FANCC: variants seen among roughly 807,000 people sequenced by gnomAD.
FANCC encodes the protein FA complementation group C, also known as Fanconi anemia group C protein.
In FANCC, 55 loss-of-function variants were observed where a neutral mutation model predicts 71.3. The observed-to-expected ratio is 0.77, with a 90% confidence interval of 0.62 to 0.97. The LOEUF is 0.97. Ranked by LOEUF, FANCC falls within the 50% of genes least tolerant of loss-of-function variation. The pLI is 0.00. For synonymous variants in FANCC, 275 were observed against 244.9 expected, an observed-to-expected ratio of 1.12 and a Z score of -1.15; for missense variants, 678 against 670.9, an observed-to-expected ratio of 1.01 and a Z score of -0.12.
intron 1 of FANCC, among the ~76,000 whole-genome samples, chr9:95,249,796 T>G (rs1406134810): frequency 6.6e-6 from 1 of 152,230 alleles, no homozygotes; most frequent in Non-Finnish European, 1.5e-5. Context: ...ATGTTTTATA[T>G]GAATTTCTGG....
chr9:95,276,380 C>T (rs992610593), intron 1 of FANCC, among the ~76,000 whole-genome samples: 1 of 152,182 alleles, frequency 6.6e-6, no homozygotes, highest in Admixed American at 6.5e-5. Context: ...TTCTCTAACC[C>T]TTTCCTCTAA....
chr9:95,102,946 G>A (rs2134397951), intron 14 of FANCC, among the ~76,000 whole-genome samples: 1 of 152,328 alleles, frequency 6.6e-6, no homozygotes, highest in South Asian at 2.1e-4. Context: ...CAGCACGGGG[G>A]CTCCGGCTGT....
chr9:95,103,342 G>C (rs1195187770), intron 14 of FANCC, among the ~76,000 whole-genome samples: 1 of 152,196 alleles, frequency 6.6e-6, no homozygotes, highest in Non-Finnish European at 1.5e-5. Context: ...CTCCCTGCTG[G>C]CCTTGGCTGG....
At chr9:95,155,505 G>A (rs953158153) in intron 6 of FANCC, among the ~76,000 whole-genome samples, 20 of 151,932 alleles carry the variant, frequency 1.3e-4, no homozygotes, top group African/African-American at 4.8e-4. Context: ...ATTTCCCTCT[G>A]GAGTATTTTT....
chr9:95,269,557 G>C (rs1274395925), intron 1 of FANCC, among the ~76,000 whole-genome samples: 2 of 152,214 alleles, frequency 1.3e-5, no homozygotes, highest in Non-Finnish European at 2.9e-5. Context: ...GATTGCTTCT[G>C]CTGTGCTGTG....
rs527335204 is a variant in FANCC at position 95,187,368 on chromosome 9, C to T, written c.346-15221G>A. Among the ~76,000 whole-genome samples the T allele has an allele frequency of 7.2e-5, 11 of 152,350 alleles. 1 individual carries two copies. The South Asian group carries it at 2.3e-3, about 32-fold the overall frequency. The stretch of plus-strand genomic sequence containing the variant: ...GGTCACGGCCAAGGCCCACCTCCTG[C>T]CCTCTGGCTCATCTCCAATGCCTGT... On this transcript the variant is annotated intron_variant, in intron 4 of 14. Coordinates refer to ENST00000289081, the MANE Select transcript of FANCC (RefSeq NM_000136.3).
intron 6 of FANCC, among the ~76,000 whole-genome samples, chr9:95,154,275 T>C (rs1429069638): frequency 7.3e-6 from 1 of 136,796 alleles, no homozygotes; most frequent in African/African-American, 2.8e-5. Flanking sequence ...AAAAAAATTG[T>C]AGTGGGAAAT....
chr9:95,186,816 G>C (rs1194516964), intron 4 of FANCC, among the ~76,000 whole-genome samples: 2 of 134,596 alleles, frequency 1.5e-5, no homozygotes, highest in African/African-American at 5.9e-5. Flanking sequence ...TTTTGAGAAA[G>C]AGTCTCACTC....
chr9:95,184,707 C>A (rs991244317), intron 4 of FANCC, among the ~76,000 whole-genome samples: 1 of 152,052 alleles, frequency 6.6e-6, no homozygotes, highest in African/African-American at 2.4e-5. Flanking sequence ...CATGGAGAAG[C>A]AAGGGGCCAA....
chr9:95,099,285 A>G lies in FANCC; in HGVS notation c.*2422T>C. 1 of 222,426 alleles carries G rather than the reference A, an allele frequency of 4.5e-6. No individual in the cohort carries two copies. The highest frequency in any genetic ancestry group is 9.0e-6 in the Non-Finnish European group (1 of 111,412). The allele number at this position is 222,426 out of a possible 1,614,324, so 13.8% of individuals were successfully genotyped here. ...GAGAGTCTACAAAAACTCCTGCTAG[A>G]GTAAGGTCAGATTCCAGACCCTGTC... On this transcript the variant is annotated 3_prime_UTR_variant, in exon 15 of 15. Coordinates refer to ENST00000289081, the MANE Select transcript of FANCC (RefSeq NM_000136.3).
At chr9:95,140,171 C>T (rs567374528) in intron 7 of FANCC, among the ~76,000 whole-genome samples, 4 of 152,198 alleles carry the variant, frequency 2.6e-5, no homozygotes, top group East Asian at 1.9e-4. Context: ...TAATACATTA[C>T]TATTTTCTCC....
intron 4 of FANCC, among the ~76,000 whole-genome samples, chr9:95,206,006 G>A (rs546407740): frequency 4.3e-4 from 65 of 152,172 alleles, no homozygotes; most frequent in Non-Finnish European, 8.1e-4. Flanking sequence ...ATATCCTACC[G>A]GTCATTTTCA....
chr9:95,099,883 C>A lies in FANCC; in HGVS notation c.*1824G>T. 1 of 233,386 alleles carries A rather than the reference C, an allele frequency of 4.3e-6. No individual in the cohort carries two copies. The highest frequency in any genetic ancestry group is 8.5e-6 in the Non-Finnish European group (1 of 118,232). 14.5% of individuals were successfully genotyped at this position (233,386 alleles called of 1,614,324 possible). Reference sequence around the variant, plus strand: ...AGTCCCAGGAGAAGGAAGGAAGGGGCATGGGCAGAGGCCTGGCAGGGGAGG... The same window carrying A: ...AGTCCCAGGAGAAGGAAGGAAGGGGAATGGGCAGAGGCCTGGCAGGGGAGG... On this transcript the variant is annotated 3_prime_UTR_variant, in exon 15 of 15. Transcript: ENST00000289081.
rs1223668739 is a variant in FANCC, at chr9:95,107,275, C to A, written c.1330-6G>T. The A allele has an allele frequency of 2.5e-6, 4 of 1,612,766 alleles. No individual in the cohort carries two copies. In the African/African-American group the frequency reaches 4.0e-5, roughly 16 times the overall value. On this transcript the variant is annotated splice_region_variant and splice_polypyrimidine_tract_variant and intron_variant, in intron 13 of 14. Transcript: ENST00000289081. ...AGCACGGCCTTCACCTGGACCTGGG[C>A]AATAGTATTTCACAGGGGAGAGGTT... is the stretch of plus-strand genomic sequence containing the variant.
chr9:95,276,715 C>T (rs1564820201), intron 1 of FANCC, among the ~76,000 whole-genome samples: 2 of 152,146 alleles, frequency 1.3e-5, no homozygotes, highest in South Asian at 2.1e-4. Context: ...ACATTTTCCA[C>T]GAGCTTAAAA....
intron 4 of FANCC, among the ~76,000 whole-genome samples, chr9:95,217,568 C>G (rs1242648213): frequency 6.6e-6 from 1 of 151,680 alleles, no homozygotes; most frequent in Non-Finnish European, 1.5e-5. Context: ...TTTTTTTTAA[C>G]TAAATTTAAA....
chr9:95,309,349 G>A (rs1012502777), intron 1 of FANCC, among the ~76,000 whole-genome samples: 6 of 152,014 alleles, frequency 3.9e-5, no homozygotes, highest in East Asian at 1.9e-4. Context: ...TCACTCTTAC[G>A]GCCTATGATT....
At chr9:95,206,147 A>C (rs1470616514) in intron 4 of FANCC, among the ~76,000 whole-genome samples, 1 of 152,226 alleles carries the variant, frequency 6.6e-6, no homozygotes, top group Non-Finnish European at 1.5e-5. Flanking sequence ...CAAACATTCT[A>C]AACAACGAAA....
At position 95,171,159 on chromosome 9, in the gene FANCC, A is replaced by T. The variant is rs1336993197; in HGVS notation, c.457-16T>A. On this transcript the variant is annotated splice_polypyrimidine_tract_variant and intron_variant, in intron 5 of 14. Transcript: ENST00000289081. The stretch of plus-strand genomic sequence containing the variant: ...ATAAAACCATCTGTAAAACAAAATC[A>T]GTTGCAGGTTAACTCACGCTGCAAA... 3 of 1,605,096 alleles carry T rather than the reference A, an allele frequency of 1.9e-6. No homozygotes were observed. In the African/African-American group the frequency reaches 4.0e-5, roughly 21 times the overall value.
Sources: gnomAD v4.1 joint callset for allele counts (sites outside exome capture counted in the v4.1 genomes callset) on GRCh38, gnomAD v4.1.1 for gene constraint, MANE v1.5 for transcripts, NCBI Gene and HGNC (gene_info 2026-07-23, HGNC 2026-07-21) for gene names.